The following CNTN4 variants were observed in gnomAD, a reference collection of about 807,000 sequenced individuals.
CNTN4 encodes the protein contactin 4, also known as contactin-4.
In CNTN4, 77 loss-of-function variants were observed where a neutral mutation model predicts 122.5. The observed-to-expected ratio is 0.63, with a 90% confidence interval of 0.52 to 0.76. CNTN4 has a LOEUF of 0.76. Ranked by LOEUF, CNTN4 falls within the 30% of genes least tolerant of loss-of-function variation. The probability of loss-of-function intolerance (pLI) is 0.00; values close to 1 mark genes in which losing one functional copy is unlikely to be tolerated. For missense variants in CNTN4, 1,256 were observed against 1,259.1 expected (o/e 1.00, Z 0.04); for synonymous variants, 512 against 447.0 (o/e 1.15, Z -1.83).
In CNTN4 at chr3:2,777,952, T is replaced by C. The variant is rs146270110; in HGVS notation, c.358+32255T>C. Among the ~76,000 whole-genome samples the C allele has an allele frequency of 1.5e-3, 228 of 152,230 alleles. 1 individual carries two copies. The highest frequency in any genetic ancestry group is 5.6e-3 in the Admixed American group (85 of 15,284). Reference sequence around the variant, plus strand: ...AATAACTGCTGGGTGCGGTGGCTCATGCCTGTAATGCCAGCACTTTGGGAG... The same window carrying C: ...AATAACTGCTGGGTGCGGTGGCTCACGCCTGTAATGCCAGCACTTTGGGAG... On this transcript the variant is annotated intron_variant, in intron 6 of 24. Transcript: ENST00000418658.
intron 4 of CNTN4, among the ~76,000 whole-genome samples, chr3:2,661,193 AT>A (rs1160358799): frequency 6.6e-6 from 1 of 152,210 alleles, no homozygotes; most frequent in Non-Finnish European, 1.5e-5. Context: ...ACTAAGCATG[AT>A]TTAGCTTTTT....
chr3:2,774,759 T>C (rs1472745898), intron 6 of CNTN4, among the ~76,000 whole-genome samples: 2 of 152,200 alleles, frequency 1.3e-5, no homozygotes, highest in East Asian at 3.8e-4. Flanking sequence ...GGAACCATTG[T>C]GTAACTGTAT....
intron 13 of CNTN4, among the ~76,000 whole-genome samples, chr3:2,943,876 C>T (rs985289981): frequency 6.6e-6 from 1 of 151,668 alleles, no homozygotes; most frequent in Non-Finnish European, 1.5e-5. Context: ...CCCGCCATGG[C>T]TGGTAATATT....
At chr3:2,203,776 G>C (rs2038215999) in intron 2 of CNTN4, among the ~76,000 whole-genome samples, 1 of 152,100 alleles carries the variant, frequency 6.6e-6, no homozygotes, top group Non-Finnish European at 1.5e-5. Flanking sequence ...CAACTCCTAA[G>C]AGGTGTGGCC....
At chr3:2,774,164 G>A (rs943135544) in intron 6 of CNTN4, among the ~76,000 whole-genome samples, 8 of 152,104 alleles carry the variant, frequency 5.3e-5, no homozygotes, top group African/African-American at 1.9e-4. Context: ...GGGAGGCTGA[G>A]GCAAGAGGAT....
chr3:3,046,225 C>T (rs1700633018), intron 23 of CNTN4, among the ~76,000 whole-genome samples: 1 of 152,198 alleles, frequency 6.6e-6, no homozygotes, highest in East Asian at 1.9e-4. Context: ...TCCAGGAGAA[C>T]TTCCCCAGCC....
chr3:2,263,763 A>C (rs376679141), intron 2 of CNTN4, among the ~76,000 whole-genome samples: 1 of 152,048 alleles, frequency 6.6e-6, no homozygotes, highest in African/African-American at 2.4e-5. Context: ...CCCTTTAACC[A>C]ACTTCTCTTC....
At chr3:2,432,896 C>G (rs558479004) in intron 3 of CNTN4, among the ~76,000 whole-genome samples, 19 of 151,818 alleles carry the variant, frequency 1.3e-4, no homozygotes, top group African/African-American at 3.6e-4. Flanking sequence ...GCAGCATCCA[C>G]AGCTCAGGCT....
Position 2,385,005 on chromosome 3 carries a change from A to G in CNTN4, c.-89+45772A>G, listed in dbSNP as rs554993056. Reference sequence around the variant, plus strand: ...AGTCATTGTTGGTTTTACTGCCTCCATTCAGATCCTCCTTTTCTCTCTTGC... The same window carrying G: ...AGTCATTGTTGGTTTTACTGCCTCCGTTCAGATCCTCCTTTTCTCTCTTGC... On this transcript the variant is annotated intron_variant, in intron 3 of 24. Coordinates refer to ENST00000418658, the MANE Select transcript of CNTN4 (RefSeq NM_175607.3). The surrounding 1 kb of genome is among the most constrained non-coding windows in gnomAD (Gnocchi z 4.0). 6.6e-6 allele frequency among the ~76,000 whole-genome samples: 1 copy of G among 152,148 alleles called. No individual in the cohort carries two copies. The highest frequency in any genetic ancestry group is 2.1e-4 in the South Asian group (1 of 4,824).
intron 6 of CNTN4, among the ~76,000 whole-genome samples, chr3:2,748,934 C>G (rs537827468): frequency 6.6e-6 from 1 of 152,282 alleles, no homozygotes; most frequent in Admixed American, 6.5e-5. Context: ...GCAACAGGAT[C>G]TTGATACTTT....
intron 13 of CNTN4, among the ~76,000 whole-genome samples, chr3:2,942,092 C>T (rs539784195): frequency 2.4e-4 from 36 of 152,286 alleles, no homozygotes; most frequent in African/African-American, 8.7e-4. Context: ...TACCTGGTTC[C>T]GTTCACCACT....
At position 3,040,130 on chromosome 3, in the gene CNTN4, G is replaced by A; in HGVS notation, c.2257G>A (p.Ala753Thr). 5 of 1,614,104 alleles carry A rather than the reference G, an allele frequency of 3.1e-6. No individual in the cohort carries two copies. Among genetic ancestry groups the A allele is most frequent in the Non-Finnish European group, 4.2e-6 (5 of 1,179,966 alleles). ...GKMIWMLTVLASADASRYVFR... is the reference protein window; with the variant it reads ...GKMIWMLTVLTSADASRYVFR... The stretch of plus-strand genomic sequence containing the variant: ...AATGATCTGGATGCTGACAGTGCTG[G>A]CCTCAGCTGATGCCTCTAGATACGT... Residue 753 changes from alanine (A) to threonine (T), a missense_variant, in exon 20 of 25, where the codon GCC becomes ACC. Ala to Thr is a moderately conservative substitution (Grantham distance 58). Coordinates refer to ENST00000418658, the MANE Select transcript of CNTN4 (RefSeq NM_175607.3).
intron 2 of CNTN4, among the ~76,000 whole-genome samples, chr3:2,296,866 T>A (rs1004493702): frequency 2.0e-5 from 3 of 152,102 alleles, no homozygotes; most frequent in Non-Finnish European, 4.4e-5. Flanking sequence ...ACCTTTCAGA[T>A]GTTCTTGAAA....
chr3:2,653,204 A>T (rs1200506137), intron 4 of CNTN4, among the ~76,000 whole-genome samples: 1 of 152,104 alleles, frequency 6.6e-6, no homozygotes. Flanking sequence ...TAAAAATTGT[A>T]AAAAAAGCAA....
intron 4 of CNTN4, among the ~76,000 whole-genome samples, chr3:2,584,712 A>AG (rs1273506936): frequency 6.6e-6 from 1 of 151,322 alleles, no homozygotes; most frequent in African/African-American, 2.4e-5. Context: ...AAAAAAAAAA[A>AG]AAAAAAAAAG....
At chr3:2,331,678 C>G (rs2043728115) in intron 2 of CNTN4, among the ~76,000 whole-genome samples, 1 of 152,100 alleles carries the variant, frequency 6.6e-6, no homozygotes, top group Admixed American at 6.6e-5. Flanking sequence ...GAATGGCCAA[C>G]AGGGAGATTC....
rs560247346 is a variant in CNTN4 at position 2,617,672 on chromosome 3, C to G, written c.55+46114C>G. Among the ~76,000 whole-genome samples the G allele has an allele frequency of 2.6e-5, 4 of 152,110 alleles. No homozygotes were observed. In the East Asian group the frequency reaches 7.8e-4, roughly 29 times the overall value. The stretch of plus-strand genomic sequence containing the variant: ...TCTTGACCTAGTGATCCGCCTGTCT[C>G]GGCCTCCCAAAGTGCTGGGATTACA... On this transcript the variant is annotated intron_variant, in intron 4 of 24. Coordinates refer to ENST00000418658, the MANE Select transcript of CNTN4 (RefSeq NM_175607.3).
At chr3:2,102,045 A>G (rs1350145070) in intron 2 of CNTN4, among the ~76,000 whole-genome samples, 2 of 152,258 alleles carry the variant, frequency 1.3e-5, no homozygotes, top group Non-Finnish European at 2.9e-5. Flanking sequence ...TGTGGATAGA[A>G]TGAGGTGTAA....
chr3:2,510,527 TG>T lies in CNTN4; in HGVS notation c.-88-60888del, dbSNP rs1322834430. ...GGTGGACTTTAAATGATCACACGGG[TG>T]CCTTAATCACAGCCTTTTTATGAGT... On this transcript the variant is annotated intron_variant, in intron 3 of 24. Transcript: ENST00000418658. 2.6e-5 allele frequency among the ~76,000 whole-genome samples: 4 copies of T among 152,276 alleles called. No homozygotes were observed. In the East Asian group the frequency reaches 7.7e-4, roughly 29 times the overall value.
Sources: allele counts gnomAD v4.1 joint callset (sites outside exome capture counted in the v4.1 genomes callset), GRCh38; gene constraint gnomAD v4.1.1; non-coding constraint Gnocchi (gnomAD v3.1); transcripts MANE v1.5; gene names NCBI Gene and HGNC (gene_info 2026-07-23, HGNC 2026-07-21).